STXBP5: variants seen among roughly 807,000 people sequenced by gnomAD.
STXBP5 encodes the protein syntaxin binding protein 5.
A neutral mutation model predicts 152.4 loss-of-function variants in STXBP5; 50 were observed. The observed-to-expected ratio is 0.33, with a 90% CI of 0.26 to 0.42. STXBP5 has a LOEUF of 0.42. Among genes scored for constraint, STXBP5 ranks in the 10% least tolerant of loss-of-function variants. The pLI is 1.00. For synonymous variants in STXBP5, 492 were observed against 494.7 expected (o/e 0.99, Z 0.07); for missense variants, 1,167 against 1,388.6 (o/e 0.84, Z 2.54).
intron 4 of STXBP5, among the ~76,000 whole-genome samples, chr6:147,252,748 A>G (rs1490209654): frequency 6.6e-6 from 1 of 152,168 alleles, no homozygotes; most frequent in Non-Finnish European, 1.5e-5. Flanking sequence ...ACTCCTCGAG[A>G]AGTGCAACCC....
At chr6:147,364,771 T>A (rs1442282920) in intron 25 of STXBP5, among the ~76,000 whole-genome samples, 1 of 152,208 alleles carries the variant, frequency 6.6e-6, no homozygotes, top group Non-Finnish European at 1.5e-5. Flanking sequence ...CTGGAAATAT[T>A]GAGCTAAAAT....
intron 25 of STXBP5, among the ~76,000 whole-genome samples, chr6:147,369,867 TTC>T (rs1276248203): frequency 6.6e-6 from 1 of 151,998 alleles, no homozygotes; most frequent in African/African-American, 2.4e-5. Flanking sequence ...TGGAAAACAA[TTC>T]TGGAGTTTTC....
chr6:147,372,406 C>CTTTT (rs1583009383), intron 25 of STXBP5, among the ~76,000 whole-genome samples: 1,065 of 39,104 alleles, frequency 0.027, 495 homozygotes, highest in South Asian at 0.041. Context: ...CCGTCCTTTT[C>CTTTT]CTTTTTTTTT....
chr6:147,316,376 G>A lies in STXBP5; in HGVS notation c.1771G>A (p.Asp591Asn). Reference protein sequence around the residue: ...SHPSTSSSSSDGLRDNVPCLK... With the variant: ...SHPSTSSSSSNGLRDNVPCLK... ...TCCATCTACCAGTAGCAGTTCATCT[G>A]ATGGGCTTCGTGATAATGTACCTTG... is the stretch of plus-strand genomic sequence containing the variant. Residue 591 changes from aspartate to asparagine, a missense_variant, in exon 16 of 28, where the codon GAT becomes AAT. By Grantham distance (23) the Asp-to-Asn change is conservative. This residue lies in a region of STXBP5 where 833 missense variants were observed against 986.3 expected (regional missense o/e 0.84). Transcript: ENST00000321680. 6.3e-7 allele frequency: 1 copy of A among 1,577,216 alleles called. No individual in the cohort carries two copies.
chr6:147,279,572 C>T (rs1385128490), intron 8 of STXBP5, among the ~76,000 whole-genome samples: 1 of 152,162 alleles, frequency 6.6e-6, no homozygotes, highest in Non-Finnish European at 1.5e-5. Flanking sequence ...AATAACAGTT[C>T]TTGAAACCAC....
At chr6:147,326,167 A>G (rs1368585411) in intron 17 of STXBP5, among the ~76,000 whole-genome samples, 4 of 152,184 alleles carry the variant, frequency 2.6e-5, no homozygotes, top group Non-Finnish European at 5.9e-5. Flanking sequence ...GTCTTCTTTC[A>G]TATCTTTTAT....
At chr6:147,245,278 CTAAAACCAACCAGGA>C (rs1470040453) in intron 4 of STXBP5, among the ~76,000 whole-genome samples, 3 of 151,938 alleles carry the variant, frequency 2.0e-5, no homozygotes, top group Non-Finnish European at 4.4e-5. Context: ...CAAAAGTAGG[CTAAAACCAACCAGGA>C]TGCAAGATGG....
intron 2 of STXBP5, among the ~76,000 whole-genome samples, chr6:147,206,357 T>G (rs1196109892): frequency 2.6e-5 from 4 of 152,170 alleles, no homozygotes. Context: ...TAAGGAAAAA[T>G]ATATCTGCTT....
intron 2 of STXBP5, among the ~76,000 whole-genome samples, chr6:147,211,175 T>C (rs965983409): frequency 1.3e-5 from 2 of 152,014 alleles, no homozygotes; most frequent in Middle Eastern, 3.2e-3. Context: ...CCTGGCGTGG[T>C]GGTGCACGCC....
chr6:147,314,078 T>C (rs1782515280), intron 12 of STXBP5, 47 bp downstream of exon 12: 2 of 1,521,816 alleles, frequency 1.3e-6, no homozygotes, highest in Non-Finnish European at 1.8e-6. Context: ...TCTTATTTAT[T>C]CTATATTTAT....
At chr6:147,346,708 C>T (rs965876180) in intron 21 of STXBP5, among the ~76,000 whole-genome samples, 1 of 152,000 alleles carries the variant, frequency 6.6e-6, no homozygotes, top group Non-Finnish European at 1.5e-5. Context: ...CCACTTCACT[C>T]CAGTGTGGGT....
At chr6:147,328,829 G>C (rs1377788691) in intron 18 of STXBP5, 1 of 462,202 alleles carries the variant, frequency 2.2e-6, no homozygotes, top group East Asian at 7.0e-5. Context: ...AAAATCATTG[G>C]GAGTTTTTGT....
chr6:147,333,762 G>C (rs1275462486), intron 18 of STXBP5, among the ~76,000 whole-genome samples: 1 of 152,134 alleles, frequency 6.6e-6, no homozygotes, highest in Non-Finnish European at 1.5e-5. Flanking sequence ...TTCATCCATC[G>C]ATGTGACACC....
intron 4 of STXBP5, among the ~76,000 whole-genome samples, chr6:147,243,885 C>T (rs976113186): frequency 5.3e-5 from 8 of 151,370 alleles, no homozygotes; most frequent in African/African-American, 1.9e-4. Flanking sequence ...TGTATTTGCT[C>T]CTTTATCAGG....
intron 2 of STXBP5, among the ~76,000 whole-genome samples, chr6:147,219,847 A>T (rs1238528549): frequency 4.2e-4 from 18 of 42,816 alleles, no homozygotes; most frequent in South Asian, 6.9e-4. Flanking sequence ...AGTTTTGTTG[A>T]TTTTTCTCTT....
intron 21 of STXBP5, among the ~76,000 whole-genome samples, chr6:147,345,310 G>A (rs1238676116): frequency 1.3e-5 from 2 of 152,090 alleles, no homozygotes; most frequent in Non-Finnish European, 2.9e-5. Context: ...GGATGTTTTA[G>A]CATGGGAGAT....
intron 21 of STXBP5, among the ~76,000 whole-genome samples, chr6:147,341,424 C>G (rs946380359): frequency 6.6e-6 from 1 of 152,134 alleles, no homozygotes; most frequent in Non-Finnish European, 1.5e-5. Context: ...GATCTGGTAC[C>G]TGCTATGAAG....
chr6:147,226,028 C>G (rs1777691986), intron 2 of STXBP5, among the ~76,000 whole-genome samples: 1 of 152,098 alleles, frequency 6.6e-6, no homozygotes, highest in African/African-American at 2.4e-5. Context: ...GAAGATATGA[C>G]TGGAGCGGAC....
At chr6:147,303,299 G>A (rs1781921274) in intron 9 of STXBP5, among the ~76,000 whole-genome samples, 1 of 152,064 alleles carries the variant, frequency 6.6e-6, no homozygotes, top group Non-Finnish European at 1.5e-5. Flanking sequence ...TCATGATAGA[G>A]AGTAAGTTCT....
Sources: gnomAD v4.1 joint callset for allele counts (sites outside exome capture counted in the v4.1 genomes callset) on GRCh38, gnomAD v4.1.1 for gene constraint, gnomAD v4.1.1 regional missense constraint, MANE v1.5 for transcripts, NCBI Gene and HGNC (gene_info 2026-07-23, HGNC 2026-07-21) for gene names.